The following EIF4G3 variants were observed in gnomAD, a reference collection of about 807,000 sequenced individuals.
EIF4G3 encodes the protein eIF-4-gamma 3.
A neutral mutation model predicts 186.4 loss-of-function variants in EIF4G3; 34 were observed. That is an observed-to-expected ratio of 0.18 (90% CI 0.14 to 0.24). The LOEUF (loss-of-function observed/expected upper bound fraction) is 0.24. Among genes scored for constraint, EIF4G3 ranks in the 10% least tolerant of loss-of-function variants. The pLI is 1.00. For synonymous variants in EIF4G3, 673 were observed against 679.5 expected (o/e 0.99, Z 0.15); for missense variants, 1,536 against 1,948.5 (o/e 0.79, Z 3.99).
chr1:20,859,889 G>A (rs946731082), intron 24 of EIF4G3, among the ~76,000 whole-genome samples: 1 of 152,184 alleles, frequency 6.6e-6, no homozygotes, highest in African/African-American at 2.4e-5. Context: ...CACTGCGTCC[G>A]GCCTGCTACA....
intron 2 of EIF4G3, among the ~76,000 whole-genome samples, chr1:21,153,745 A>G (rs1328642448): frequency 1.3e-5 from 2 of 152,004 alleles, no homozygotes; most frequent in African/African-American, 4.8e-5. Context: ...TTCTATTTTT[A>G]GTAGAGACTG....
intron 29 of EIF4G3, among the ~76,000 whole-genome samples, chr1:20,844,940 T>G (rs970461312): frequency 1.3e-5 from 2 of 152,200 alleles, no homozygotes; most frequent in African/African-American, 4.8e-5. Context: ...TGTTGATTGA[T>G]AGTTTATTTT....
chr1:21,096,514 T>C (rs1447858050), intron 2 of EIF4G3, among the ~76,000 whole-genome samples: 1 of 152,184 alleles, frequency 6.6e-6, no homozygotes, highest in Non-Finnish European at 1.5e-5. Flanking sequence ...TTGTCCCCCA[T>C]AAATTTAATT....
At chr1:20,897,487 T>C (rs1478918633) in intron 16 of EIF4G3, among the ~76,000 whole-genome samples, 1 of 150,796 alleles carries the variant, frequency 6.6e-6, no homozygotes, top group African/African-American at 2.4e-5. Flanking sequence ...TGCAGTTAGA[T>C]ACTAAGTTTT....
At chr1:21,164,280 C>G (rs751927913) in intron 2 of EIF4G3, among the ~76,000 whole-genome samples, 1 of 152,138 alleles carries the variant, frequency 6.6e-6, no homozygotes, top group Non-Finnish European at 1.5e-5. Flanking sequence ...CTACCACTGC[C>G]TAATAGTAAT....
intron 3 of EIF4G3, among the ~76,000 whole-genome samples, chr1:21,074,677 C>A (rs1221341606): frequency 6.6e-6 from 1 of 152,062 alleles, no homozygotes; most frequent in Admixed American, 6.5e-5. Flanking sequence ...GAAGAAAGTT[C>A]TTTAAAAATT....
chr1:21,084,736 T>C (rs920036133), intron 3 of EIF4G3, among the ~76,000 whole-genome samples: 48 of 152,124 alleles, frequency 3.2e-4, no homozygotes, highest in African/African-American at 1.1e-3. Flanking sequence ...TTCAGCTTAA[T>C]TGCCACCTTT....
intron 4 of EIF4G3, among the ~76,000 whole-genome samples, chr1:21,016,311 G>C (rs997141725): frequency 6.6e-6 from 1 of 152,072 alleles, no homozygotes; most frequent in South Asian, 2.1e-4. Flanking sequence ...GAAACAAAAA[G>C]AGAATCAAAA....
intron 7 of EIF4G3, among the ~76,000 whole-genome samples, chr1:20,987,932 C>T (rs962510289): frequency 1.3e-5 from 2 of 152,176 alleles, no homozygotes; most frequent in Non-Finnish European, 2.9e-5. Flanking sequence ...AGAATAAGTT[C>T]TTGGAGGAAA....
intron 4 of EIF4G3, among the ~76,000 whole-genome samples, chr1:21,044,778 G>A (rs185877302): frequency 1.3e-5 from 2 of 151,868 alleles, no homozygotes; most frequent in East Asian, 3.9e-4. Context: ...CTCCCAAGTA[G>A]CTGGGACTAC....
intron 4 of EIF4G3, among the ~76,000 whole-genome samples, chr1:21,035,922 A>G (rs565688576): frequency 1.1e-4 from 16 of 152,188 alleles, no homozygotes; most frequent in Non-Finnish European, 1.9e-4. Context: ...TGTAAGGCCC[A>G]TAAAAGCCTC....
At chr1:20,916,062 A>G (rs1252294577) in intron 14 of EIF4G3, among the ~76,000 whole-genome samples, 1 of 152,206 alleles carries the variant, frequency 6.6e-6, no homozygotes, top group Non-Finnish European at 1.5e-5. Flanking sequence ...ATTTCCATAT[A>G]CTAGTAACAA....
At chr1:20,980,935 TCA>T in intron 9 of EIF4G3, 111 bp downstream of exon 9, 2 of 817,490 alleles carry the variant, frequency 2.4e-6, no homozygotes, top group Non-Finnish European at 3.5e-6. Flanking sequence ...ACAAAACAGT[TCA>T]CACGTCACCG....
chr1:21,051,092 C>T, intron 3 of EIF4G3, 98 bp from the exon 4 acceptor site: 3 of 671,096 alleles, frequency 4.5e-6, no homozygotes, highest in Non-Finnish European at 8.2e-6. Flanking sequence ...TTTCCTACCT[C>T]ACAACTTACA....
chr1:20,891,099 AG>A (rs1254129790), intron 18 of EIF4G3, among the ~76,000 whole-genome samples: 1 of 152,258 alleles, frequency 6.6e-6, no homozygotes, highest in Admixed American at 6.5e-5. Context: ...TCACATACGT[AG>A]GTATACAGAG....
At chr1:21,059,673 AAAT>A (rs1395415897) in intron 3 of EIF4G3, among the ~76,000 whole-genome samples, 1 of 152,216 alleles carries the variant, frequency 6.6e-6, no homozygotes, top group African/African-American at 2.4e-5. Flanking sequence ...TAAAAAAGAA[AAAT>A]AATTTTATAT....
At chr1:20,909,543 T>C (rs966354663) in intron 14 of EIF4G3, among the ~76,000 whole-genome samples, 11 of 152,202 alleles carry the variant, frequency 7.2e-5, no homozygotes, top group Admixed American at 7.2e-4. Context: ...AAAACACCTA[T>C]GTGTTATCTT....
At chr1:20,965,760 T>C (rs2074511316) in intron 12 of EIF4G3, among the ~76,000 whole-genome samples, 1 of 92,600 alleles carries the variant, frequency 1.1e-5, no homozygotes, top group South Asian at 3.0e-4. Flanking sequence ...ATAATAATAA[T>C]TGTAATATTA....
rs781622563 is a variant in EIF4G3, at chr1:20,851,423, G to A, written c.3607C>T (p.Arg1203Trp). 1.0e-4 allele frequency: 168 copies of A among 1,613,956 alleles called. No individual in the cohort carries two copies. The highest frequency in any genetic ancestry group is 1.3e-4 in the Non-Finnish European group (157 of 1,180,038). ...NDKPLPSATA[R>W]PNTFMRGGSS... ...CCACCCCTCATGAAAGTATTTGGCC[G>A]AGCTGTTGCAGATGGAAGGGGCTTG... The change falls in exon 28 of 37, where the codon CGG (arginine) becomes TGG (tryptophan). Residue 1203 changes from arginine to tryptophan, a missense_variant. By Grantham distance (101) the Arg-to-Trp change is moderately radical (BLOSUM62 -3). Transcript: ENST00000602326.
Sources: allele counts gnomAD v4.1 joint callset (sites outside exome capture counted in the v4.1 genomes callset), GRCh38; gene constraint gnomAD v4.1.1; transcripts MANE v1.5; gene names NCBI Gene and HGNC (gene_info 2026-07-23, HGNC 2026-07-21).